DNAJB4: variants seen among roughly 807,000 people sequenced by gnomAD.
DNAJB4 encodes the protein dnaJ homolog subfamily B member 4.
Under a neutral mutation model 26.6 loss-of-function variants are expected in DNAJB4, and 10 were observed. That is an observed-to-expected ratio of 0.38 (90% CI 0.23 to 0.64). The LOEUF is 0.64. Among genes scored for constraint, DNAJB4 ranks in the 30% least tolerant of loss-of-function variants. The pLI is 0.58. For missense variants in DNAJB4, 328 were observed against 408.2 expected (o/e 0.80, Z 1.69); for synonymous variants, 136 against 134.8 (o/e 1.01, Z -0.06).
intron 1 of DNAJB4, among the ~76,000 whole-genome samples, chr1:77,995,907 T>C (rs1359949627): frequency 2.0e-5 from 3 of 152,036 alleles, no homozygotes; most frequent in Non-Finnish European, 2.9e-5. Context: ...GACTGTGCCA[T>C]TGCACTCCAG....
rs774863543 is a variant in DNAJB4 at position 78,013,630 on chromosome 1, A to T, written c.780+11A>T. 6.4e-7 allele frequency: 1 copy of T among 1,551,718 alleles called. No individual in the cohort carries two copies. Among genetic ancestry groups the T allele is most frequent in the African/African-American group, 1.4e-5 (1 of 72,790 alleles). ...ATTAGTTTACGAGAGGTAAGTTGGT[A>T]GGACCTAAAATCCTAAGACCAAATA... On this transcript the variant is annotated intron_variant, in intron 2 of 2. Transcript: ENST00000370763.
rs371742387 is a variant in DNAJB4, at chr1:78,016,218, G to A, written c.985G>A (p.Val329Ile). Residue 329 changes from valine (V) to isoleucine (I), a missense_variant, in exon 3 of 3, where the codon GTA (valine) becomes ATA (isoleucine). Val to Ile is a conservative substitution (Grantham distance 29). Transcript: ENST00000370763. ...PDTISSSSKE[V>I]LRKHLPAS is the part of the protein sequence containing the mutation. The stretch of plus-strand genomic sequence containing the variant: ...TACTATATCTTCTTCATCCAAAGAA[G>A]TACTTAGGAAACATCTTCCTGCCTC... 1.2e-6 allele frequency: 2 copies of A among 1,613,876 alleles called. No individual in the cohort carries two copies. Among genetic ancestry groups the A allele is most frequent in the African/African-American group, 2.7e-5 (2 of 74,912 alleles).
chr1:78,008,592 G>A (rs1315354913), intron 1 of DNAJB4, among the ~76,000 whole-genome samples: 1 of 152,132 alleles, frequency 6.6e-6, no homozygotes, highest in Non-Finnish European at 1.5e-5. Context: ...GGTGGGAGCG[G>A]GGATTAGCTA....
chr1:77,992,442 A>T, intron 1 of DNAJB4, among the ~76,000 whole-genome samples: 1 of 149,828 alleles, frequency 6.7e-6, no homozygotes, highest in Non-Finnish European at 1.5e-5. Context: ...AAAAAAGAAC[A>T]TAACAAATGA....
intron 1 of DNAJB4, among the ~76,000 whole-genome samples, chr1:77,998,061 C>T (rs946025728): frequency 6.6e-6 from 1 of 152,202 alleles, no homozygotes; most frequent in Non-Finnish European, 1.5e-5. Flanking sequence ...AGGCGTGAGC[C>T]ACCGCACCGG....
At chr1:77,979,181 G>A (rs770144775), upstream of DNAJB4, 20 of 637,166 alleles carry the variant, frequency 3.1e-5, no homozygotes, top group Admixed American at 5.9e-4. Context: ...CAACGCGCTG[G>A]TGTGGGTTAG....
intron 1 of DNAJB4, 40 bp downstream of exon 1, chr1:78,005,361 G>T (rs550533254): frequency 2.9e-6 from 4 of 1,379,764 alleles, no homozygotes; most frequent in African/African-American, 2.6e-5. Context: ...CTTCAGCTCT[G>T]TCTCTTTTTT....
chr1:77,996,114 G>A (rs902824075), intron 1 of DNAJB4, among the ~76,000 whole-genome samples: 3 of 152,128 alleles, frequency 2.0e-5, no homozygotes, highest in Admixed American at 6.5e-5. Flanking sequence ...ATTCATCCCA[G>A]TTAGAATAAG....
chr1:78,006,781 T>G (rs982895450), intron 1 of DNAJB4, among the ~76,000 whole-genome samples: 13 of 152,218 alleles, frequency 8.5e-5, no homozygotes, highest in African/African-American at 2.9e-4. Context: ...TCTCAAAAGC[T>G]AAGCAGGATT....
intron 1 of DNAJB4, among the ~76,000 whole-genome samples, chr1:77,993,614 T>C (rs1036278265): frequency 1.3e-5 from 2 of 152,130 alleles, no homozygotes; most frequent in Non-Finnish European, 2.9e-5. Flanking sequence ...CGTGCCTGAC[T>C]TATTTATAGT....
At position 78,016,214 on chromosome 1, in the gene DNAJB4, A is replaced by G. The variant is rs1284587062; in HGVS notation, c.981A>G (p.Lys327=). 2 of 1,614,094 alleles carry G rather than the reference A, an allele frequency of 1.2e-6. No homozygotes were observed. The highest frequency in any genetic ancestry group is 1.7e-6 in the Non-Finnish European group (2 of 1,179,980). Residue 327 remains lysine (K), a synonymous_variant, in exon 3 of 3, where the codon AAA becomes AAG. Transcript: ENST00000370763. ...CAGATACTATATCTTCTTCATCCAAAGAAGTACTTAGGAAACATCTTCCTG... is the reference window on the plus strand; with the variant it reads ...CAGATACTATATCTTCTTCATCCAAGGAAGTACTTAGGAAACATCTTCCTG... ...SFPDTISSSS[K]EVLRKHLPAS
intron 1 of DNAJB4, chr1:77,992,857 G>A (rs1286751636): frequency 1.3e-5 from 2 of 152,074 alleles, no homozygotes; most frequent in Admixed American, 1.3e-4. Context: ...CCGAGTAGCT[G>A]GAATTACAGG....
Position 78,005,234 on chromosome 1 carries a change from G to C in DNAJB4, c.124G>C (p.Glu42Gln), listed in dbSNP as rs769950532. 3 of 1,614,028 alleles carry C rather than the reference G, an allele frequency of 1.9e-6. No homozygotes were observed. Among genetic ancestry groups the C allele is most frequent in the Non-Finnish European group, 2.5e-6 (3 of 1,180,006 alleles). ...GGACAAGAACAAATCTCCTCAGGCA[G>C]AGGAAAAATTTAAAGAGGTCGCAGA... ...HPDKNKSPQA[E>Q]EKFKEVAEAY... The change falls in exon 1 of 3, where the codon GAG becomes CAG. Residue 42 changes from glutamate to glutamine, a missense_variant. Transcript: ENST00000370763.
chr1:77,984,247 A>C (rs1659739707), intron 1 of DNAJB4, among the ~76,000 whole-genome samples: 1 of 152,152 alleles, frequency 6.6e-6, no homozygotes. Context: ...CTTCAGCCCT[A>C]AGTCATTGAA....
At chr1:77,992,432 A>AG (rs1659954338) in intron 1 of DNAJB4, among the ~76,000 whole-genome samples, 1 of 150,642 alleles carries the variant, frequency 6.6e-6, no homozygotes, top group African/African-American at 2.4e-5. Context: ...AAAAAAAAAA[A>AG]AAAAAGAACA....
intron 1 of DNAJB4, among the ~76,000 whole-genome samples, chr1:77,993,625 A>G (rs548675876): frequency 3.9e-5 from 6 of 152,264 alleles, no homozygotes; most frequent in African/African-American, 1.4e-4. Context: ...TATTTATAGT[A>G]TAAACTCCTT....
chr1:78,017,396 A>ATT lies in DNAJB4; in HGVS notation c.*1150_*1151dup, dbSNP rs1002727836. 2.6e-5 allele frequency: 4 copies of ATT among 151,740 alleles called. No individual in the cohort carries two copies. Among genetic ancestry groups the ATT allele is most frequent in the Admixed American group, 2.6e-4 (4 of 15,240 alleles). The allele number at this position is 151,740 out of a possible 1,614,324, so 9.4% of individuals were successfully genotyped here. ...TTTTGGTTATAAAATAGTTTTCAGG[A>ATT]TTATATATATATATACTGGATCCTA... On this transcript the variant is annotated 3_prime_UTR_variant, in exon 3 of 3. Transcript: ENST00000370763.
Position 78,016,355 on chromosome 1 carries a change from T to G in DNAJB4, c.*108T>G. 2.1e-6 allele frequency: 2 copies of G among 949,142 alleles called. No individual in the cohort carries two copies. The highest frequency in any genetic ancestry group is 3.1e-6 in the Non-Finnish European group (2 of 645,236). 58.8% of individuals were successfully genotyped at this position (949,142 alleles called of 1,614,324 possible). On this transcript the variant is annotated 3_prime_UTR_variant, in exon 3 of 3. Coordinates refer to ENST00000370763, the MANE Select transcript of DNAJB4 (RefSeq NM_007034.5). Reference sequence around the variant, plus strand: ...CTGTATAAAGATGTGTAAATTCTTTTGAGGGTTCATTAAATTGCATGAATA... The same window carrying G: ...CTGTATAAAGATGTGTAAATTCTTTGGAGGGTTCATTAAATTGCATGAATA...
chr1:77,983,218 A>C (rs1659705867), intron 1 of DNAJB4, among the ~76,000 whole-genome samples: 1 of 152,250 alleles, frequency 6.6e-6, no homozygotes, highest in African/African-American at 2.4e-5. Context: ...AATGCTTTAC[A>C]AAGCAGTATT....
Sources: gnomAD v4.1 joint callset for allele counts (sites outside exome capture counted in the v4.1 genomes callset) on GRCh38, gnomAD v4.1.1 for gene constraint, MANE v1.5 for transcripts, NCBI Gene and HGNC (gene_info 2026-07-23, HGNC 2026-07-21) for gene names.